Variants in DPP6 observed in about 807,000 individuals in gnomAD.
DPP6 encodes A-type potassium channel modulatory protein DPP6.
In DPP6, 69 loss-of-function variants were observed where a neutral mutation model predicts 122.6. The observed-to-expected ratio is 0.56, with a 90% CI of 0.46 to 0.69. The LOEUF is 0.69. DPP6 is among the 30% of genes least tolerant of loss of function. The probability of loss-of-function intolerance (pLI) is 0.00; values close to 1 mark genes in which losing one functional copy is unlikely to be tolerated. For synonymous variants in DPP6, 418 were observed against 433.1 expected, an observed-to-expected ratio of 0.97 and a Z score of 0.43; for missense variants, 928 against 1,116.9, an observed-to-expected ratio of 0.83 and a Z score of 2.41.
chr7:154,343,696 T>C (rs1310745461), intron 1 of DPP6, among the ~76,000 whole-genome samples: 1 of 152,268 alleles, frequency 6.6e-6, no homozygotes, highest in Admixed American at 6.5e-5. Context: ...TTCTCCGGCC[T>C]CAGCCTCCTG....
chr7:154,323,182 C>T (rs890515015), intron 1 of DPP6, among the ~76,000 whole-genome samples: 2 of 152,156 alleles, frequency 1.3e-5, no homozygotes, highest in African/African-American at 4.8e-5. Context: ...GTAAGCTTGA[C>T]AATAAAACTG....
chr7:154,751,102 G>A (rs1349128570), intron 8 of DPP6, among the ~76,000 whole-genome samples: 1 of 152,182 alleles, frequency 6.6e-6, no homozygotes, highest in African/African-American at 2.4e-5. Flanking sequence ...GGAGGTGTTA[G>A]GCAGATGGAT....
chr7:154,866,108 GAGA>G (rs1430127085), intron 17 of DPP6, among the ~76,000 whole-genome samples: 1 of 152,316 alleles, frequency 6.6e-6, no homozygotes, highest in East Asian at 1.9e-4. Flanking sequence ...GTTGATGGAG[GAGA>G]AGGAGCTAGC....
intron 2 of DPP6, among the ~76,000 whole-genome samples, chr7:154,470,755 A>G (rs1308176463): frequency 6.6e-6 from 1 of 152,228 alleles, no homozygotes; most frequent in African/African-American, 2.4e-5. Flanking sequence ...TAGTATATCA[A>G]GCTAAAGGGC....
rs1563120667 is a variant in DPP6 at position 154,036,026 on chromosome 7, G to GCA, written c.51+148292_51+148293insCA. Among the ~76,000 whole-genome samples, 257 of 112,842 alleles carry GCA rather than the reference G, an allele frequency of 2.3e-3. 7 individuals carry two copies. The highest frequency in any genetic ancestry group is 8.5e-3 in the African/African-American group (235 of 27,776). 74.0% of individuals were successfully genotyped at this position (112,842 alleles called of 152,430 possible). A position where few individuals can be genotyped will look rare whatever the true frequency, so the allele number is the denominator to read the frequency against. ...CAGGATTACGCGCGCGCGCTTGTGT[G>GCA]TGTGTGTGTGTGTGTGTGTGTATGT... On this transcript the variant is annotated intron_variant, in intron 1 of 25. Transcript: ENST00000404039.
chr7:154,269,009 A>G (rs4726396), intron 1 of DPP6, among the ~76,000 whole-genome samples: 36,270 of 148,502 alleles, frequency 0.24, 5,367 homozygotes, highest in Non-Finnish European at 0.32. Flanking sequence ...AACCACTTCT[A>G]TCTATTGATT....
chr7:153,914,832 AGT>A (rs1238690469), intron 1 of DPP6, among the ~76,000 whole-genome samples: 3 of 152,200 alleles, frequency 2.0e-5, no homozygotes, highest in Non-Finnish European at 4.4e-5. Flanking sequence ...AGTATAAAAC[AGT>A]GTACGAATGT....
At chr7:153,753,283 A>G in the DPP6 span, among the ~76,000 whole-genome samples, 1 of 151,968 alleles carries the variant, frequency 6.6e-6, no homozygotes, top group South Asian at 2.1e-4. Context: ...GGGATTTTGT[A>G]CCATTATTTT....
At chr7:153,814,910 G>C in the DPP6 span, among the ~76,000 whole-genome samples, 1 of 152,016 alleles carries the variant, frequency 6.6e-6, no homozygotes, top group African/African-American at 2.4e-5. Flanking sequence ...ATTCAACAAT[G>C]CTTCATGCTA....
intron 1 of DPP6, among the ~76,000 whole-genome samples, chr7:154,195,756 G>A (rs114251666): frequency 0.011 from 1,639 of 152,246 alleles, 34 homozygotes; most frequent in African/African-American, 0.038. Flanking sequence ...AAAAAATTCT[G>A]TTATGCCACT....
intron 2 of DPP6, among the ~76,000 whole-genome samples, chr7:154,470,800 T>A (rs1210449192): frequency 6.6e-6 from 1 of 152,230 alleles, no homozygotes; most frequent in African/African-American, 2.4e-5. Flanking sequence ...ATCCCTGAAT[T>A]GCCTTTGGGA....
At chr7:154,664,137 T>C (rs368778819) in intron 6 of DPP6, among the ~76,000 whole-genome samples, 13 of 143,748 alleles carry the variant, frequency 9.0e-5, no homozygotes, top group East Asian at 2.2e-4. Flanking sequence ...CATGGCGTAT[T>C]GGCCGTAGTG....
chr7:153,964,920 T>TTC (rs1451808037), intron 1 of DPP6, among the ~76,000 whole-genome samples: 1 of 138,006 alleles, frequency 7.2e-6, no homozygotes, highest in Non-Finnish European at 1.5e-5. Context: ...TTTCCTTTCT[T>TTC]TCTTTCTTTC....
chr7:154,534,360 G>A (rs1422095649), intron 3 of DPP6, among the ~76,000 whole-genome samples: 3 of 152,118 alleles, frequency 2.0e-5, no homozygotes, highest in South Asian at 2.1e-4. Flanking sequence ...ATTTTATTTA[G>A]CATTGTAATA....
chr7:154,574,765 T>C (rs1252194522), intron 5 of DPP6, among the ~76,000 whole-genome samples: 1 of 131,292 alleles, frequency 7.6e-6, no homozygotes, highest in Non-Finnish European at 1.6e-5. Flanking sequence ...TGTGTGTATA[T>C]GTGTGTGGTG....
At chr7:154,493,122 T>A (rs543607676) in intron 3 of DPP6, among the ~76,000 whole-genome samples, 1 of 152,260 alleles carries the variant, frequency 6.6e-6, no homozygotes, top group African/African-American at 2.4e-5. Context: ...ATCAAAGATG[T>A]CATTCAGCCT....
chr7:153,905,394 T>C (rs1799806695), intron 1 of DPP6, among the ~76,000 whole-genome samples: 1 of 152,110 alleles, frequency 6.6e-6, no homozygotes. Context: ...CATTTTGGGT[T>C]ATCATTTTCT....
intron 8 of DPP6, among the ~76,000 whole-genome samples, chr7:154,734,433 C>G (rs1842483904): frequency 6.6e-6 from 1 of 152,172 alleles, no homozygotes; most frequent in Admixed American, 6.5e-5. Flanking sequence ...GCAAACTGCT[C>G]CCAGGTAGTA....
At chr7:153,815,509 C>T in the DPP6 span, among the ~76,000 whole-genome samples, 3 of 151,754 alleles carry the variant, frequency 2.0e-5, no homozygotes, top group Admixed American at 1.3e-4. Flanking sequence ...CTAAAGCTAT[C>T]CCTCCCCCGT....
Sources: allele counts gnomAD v4.1 joint callset (sites outside exome capture counted in the v4.1 genomes callset), GRCh38; gene constraint gnomAD v4.1.1; transcripts MANE v1.5; gene names NCBI Gene and HGNC (gene_info 2026-07-23, HGNC 2026-07-21).